The following CIMIP4 variants were observed in gnomAD, a reference collection of about 807,000 sequenced individuals.
CIMIP4 encodes the protein protein EAN57.
the CIMIP4 span, chr22:37,001,770 A>C: frequency 7.0e-7 from 1 of 1,424,118 alleles, no homozygotes. Flanking sequence ...TCTGTACTCA[A>C]GAGTGAGTTT....
chr22:36,994,451 C>T, the CIMIP4 span, among the ~76,000 whole-genome samples: 1 of 151,978 alleles, frequency 6.6e-6, no homozygotes, highest in Admixed American at 6.6e-5. Flanking sequence ...GCCTCAGCCT[C>T]CTGAGAAGCC....
the CIMIP4 span, chr22:36,991,605 T>C: frequency 6.2e-7 from 1 of 1,612,656 alleles, no homozygotes. Context: ...TAGAATACCA[T>C]GAAGAAACCC....
At chr22:36,995,396 C>T in the CIMIP4 span, among the ~76,000 whole-genome samples, 3 of 152,182 alleles carry the variant, frequency 2.0e-5, no homozygotes, top group Non-Finnish European at 2.9e-5. Context: ...CATGTTAGCC[C>T]ACAGGGGTGT....
the CIMIP4 span, among the ~76,000 whole-genome samples, chr22:36,992,132 A>G: frequency 1.3e-5 from 2 of 152,022 alleles, no homozygotes; most frequent in African/African-American, 4.8e-5. Context: ...GTGGATCACG[A>G]GGTCAGGGGT....
the CIMIP4 span, among the ~76,000 whole-genome samples, chr22:36,992,152 G>A: frequency 6.6e-6 from 1 of 152,074 alleles, no homozygotes; most frequent in Non-Finnish European, 1.5e-5. Context: ...TTCGAGACCA[G>A]CCTGACCAAC....
the CIMIP4 span, among the ~76,000 whole-genome samples, chr22:36,999,279 A>G: frequency 6.7e-6 from 1 of 149,638 alleles, no homozygotes. Context: ...CAATATGGTG[A>G]AACCTTGCCT....
the CIMIP4 span, chr22:37,002,253 C>CT: frequency 6.9e-7 from 1 of 1,446,056 alleles, no homozygotes; most frequent in Non-Finnish European, 9.1e-7. Context: ...GGGTCCAAGT[C>CT]CTGTTGGCCC....
chr22:37,002,685 C>T, the CIMIP4 span, among the ~76,000 whole-genome samples: 2 of 152,164 alleles, frequency 1.3e-5, no homozygotes, highest in Non-Finnish European at 1.5e-5. Context: ...GGATAGTTCC[C>T]TTCCCCACTT....
the CIMIP4 span, among the ~76,000 whole-genome samples, chr22:37,006,730 C>CA: frequency 6.6e-6 from 1 of 152,164 alleles, no homozygotes; most frequent in African/African-American, 2.4e-5. Context: ...CAGAGAGTGG[C>CA]AGGCAGTTGA....
the CIMIP4 span, among the ~76,000 whole-genome samples, chr22:36,992,720 A>T: frequency 3.3e-5 from 5 of 152,152 alleles, no homozygotes; most frequent in African/African-American, 1.2e-4. Context: ...AAGAAATTCA[A>T]TTAACAGATA....
At chr22:37,007,138 C>A in the CIMIP4 span, among the ~76,000 whole-genome samples, 2 of 152,184 alleles carry the variant, frequency 1.3e-5, no homozygotes, top group Non-Finnish European at 2.9e-5. Context: ...ACCAACACTC[C>A]ACCGGTATTC....
chr22:36,992,334 G>A, the CIMIP4 span, among the ~76,000 whole-genome samples: 7 of 150,900 alleles, frequency 4.6e-5, no homozygotes, highest in African/African-American at 9.7e-5. Flanking sequence ...GCAACAGAGA[G>A]AGACTCTGTC....
At chr22:36,993,419 G>A in the CIMIP4 span, among the ~76,000 whole-genome samples, 1 of 151,936 alleles carries the variant, frequency 6.6e-6, no homozygotes, top group Non-Finnish European at 1.5e-5. Flanking sequence ...ACCACTCAAA[G>A]AATAAGAGGA....
the CIMIP4 span, among the ~76,000 whole-genome samples, chr22:37,005,381 A>T: frequency 1.5e-3 from 232 of 152,316 alleles, no homozygotes; most frequent in African/African-American, 5.4e-3. Flanking sequence ...TCTAAGCTTT[A>T]TGGTCATTTG....
the CIMIP4 span, chr22:37,002,085 T>G: frequency 6.3e-7 from 1 of 1,598,498 alleles, no homozygotes; most frequent in Non-Finnish European, 8.5e-7. Flanking sequence ...AGAGAATCCC[T>G]GCTGGCAGCA....
At chr22:37,006,956 A>G in the CIMIP4 span, among the ~76,000 whole-genome samples, 11 of 152,170 alleles carry the variant, frequency 7.2e-5, no homozygotes, top group South Asian at 2.1e-4. Flanking sequence ...GAGATGCCCT[A>G]TGGAGAGGTC....
the CIMIP4 span, among the ~76,000 whole-genome samples, chr22:37,002,921 C>T: frequency 3.4e-4 from 51 of 152,184 alleles, no homozygotes; most frequent in Non-Finnish European, 6.8e-4. Context: ...CTCTCCTCCC[C>T]GCCTCTCCCT....
the CIMIP4 span, chr22:36,991,474 CACTT>C: frequency 1.2e-6 from 2 of 1,613,694 alleles, no homozygotes; most frequent in Non-Finnish European, 1.7e-6. Context: ...CGCAGCTCCT[CACTT>C]ACCCAGATCA....
At chr22:36,991,394 T>C in the CIMIP4 span, 2 of 1,562,942 alleles carry the variant, frequency 1.3e-6, no homozygotes, top group East Asian at 4.5e-5. Context: ...TGTCTCCTGC[T>C]CTGGTTTCTC....
Sources: allele counts gnomAD v4.1 joint callset (sites outside exome capture counted in the v4.1 genomes callset), GRCh38; gene constraint gnomAD v4.1.1; transcripts MANE v1.5; gene names NCBI Gene and HGNC (gene_info 2026-07-23, HGNC 2026-07-21).